Variants in RABGAP1L observed in about 807,000 individuals in gnomAD.
RABGAP1L encodes rab GTPase-activating protein 1-like.
RABGAP1L carries 63 observed loss-of-function variants against 137.7 expected under a neutral mutation model. The ratio of observed to expected loss-of-function variants is 0.46; its 90% CI spans 0.37 to 0.56. The LOEUF (loss-of-function observed/expected upper bound fraction) is 0.56. Ranked by LOEUF, RABGAP1L falls within the 20% of genes least tolerant of loss-of-function variation. The pLI is 0.00. For missense variants in RABGAP1L, 1,095 were observed against 1,244.0 expected (o/e 0.88, Z 1.80); for synonymous variants, 431 against 433.7 (o/e 0.99, Z 0.08).
rs144373537 is a variant in RABGAP1L at position 174,297,679 on chromosome 1, T to C, written c.1324-7307T>C. ...GGCAGAGCTCCCTCAGAGACCTATC[T>C]AAGGGTTTCCAGCAGAAGGGGCCAT... On this transcript the variant is annotated intron_variant, in intron 10 of 25. Transcript: ENST00000681986. 1.1e-4 allele frequency among the ~76,000 whole-genome samples: 16 copies of C among 152,240 alleles called. No individual in the cohort carries two copies. The East Asian group carries it at 1.4e-3, about 13-fold the overall frequency.
At chr1:174,939,627 A>C (rs189255568) in intron 19 of RABGAP1L, among the ~76,000 whole-genome samples, 105 of 152,310 alleles carry the variant, frequency 6.9e-4, no homozygotes, top group African/African-American at 2.4e-3. Flanking sequence ...GGTCTTCTCA[A>C]ATAGTCTTAT....
At chr1:174,280,120 A>T (rs1216773843) in intron 10 of RABGAP1L, among the ~76,000 whole-genome samples, 1 of 150,762 alleles carries the variant, frequency 6.6e-6, no homozygotes, top group Non-Finnish European at 1.5e-5. Flanking sequence ...AAATTCATGT[A>T]AGTAATTATT....
intron 19 of RABGAP1L, among the ~76,000 whole-genome samples, chr1:174,860,080 C>T (rs1024079466): frequency 4.6e-5 from 7 of 151,128 alleles, no homozygotes; most frequent in African/African-American, 1.7e-4. Flanking sequence ...ACACAAGTCA[C>T]CTCCTTCATG....
chr1:174,771,142 T>C (rs996454037), intron 18 of RABGAP1L, among the ~76,000 whole-genome samples: 3 of 152,232 alleles, frequency 2.0e-5, no homozygotes, highest in African/African-American at 7.2e-5. Context: ...GCAAGTCCTT[T>C]GCCATGGCAC....
intron 10 of RABGAP1L, among the ~76,000 whole-genome samples, chr1:174,282,210 C>T (rs1339257299): frequency 6.6e-6 from 1 of 152,188 alleles, no homozygotes; most frequent in Non-Finnish European, 1.5e-5. Context: ...GTAGAAACTG[C>T]CAAACTGTTT....
intron 15 of RABGAP1L, among the ~76,000 whole-genome samples, chr1:174,695,847 A>G (rs907316413): frequency 6.6e-6 from 1 of 152,234 alleles, no homozygotes; most frequent in African/African-American, 2.4e-5. Context: ...ATAATGCTGC[A>G]ATTTTTGCAG....
intron 18 of RABGAP1L, among the ~76,000 whole-genome samples, chr1:174,773,429 G>C (rs898181362): frequency 4.7e-4 from 71 of 152,198 alleles, no homozygotes; most frequent in African/African-American, 1.7e-3. Context: ...GCCTTTTTAC[G>C]TTATACAGCA....
intron 11 of RABGAP1L, among the ~76,000 whole-genome samples, chr1:174,305,597 G>A (rs1004969146): frequency 1.2e-4 from 18 of 152,038 alleles, no homozygotes; most frequent in African/African-American, 4.3e-4. Context: ...TGTTGGCCAG[G>A]CTTGTCTCAA....
intron 11 of RABGAP1L, among the ~76,000 whole-genome samples, chr1:174,368,191 A>G (rs948343890): frequency 1.3e-5 from 2 of 152,170 alleles, no homozygotes; most frequent in Non-Finnish European, 2.9e-5. Flanking sequence ...CCATTCCTTT[A>G]AATTACTTGA....
rs60060785 is a variant in RABGAP1L at position 174,512,468 on chromosome 1, T to C, written c.1710+118323T>C. Among the ~76,000 whole-genome samples the C allele has an allele frequency of 1.3e-3, 200 of 152,342 alleles. 1 individual carries two copies. The highest frequency in any genetic ancestry group is 4.5e-3 in the African/African-American group (186 of 41,586). On this transcript the variant is annotated intron_variant, in intron 13 of 25. Transcript: ENST00000681986. ...CTTCAAAATAGGAACGTAAGGAAGA[T>C]AAACATATACATAAGAAGTGAGTGT...
rs1435914790 is a variant in RABGAP1L, at chr1:174,827,833, T to C, written c.2340+15873T>C. On this transcript the variant is annotated intron_variant, in intron 19 of 25. Transcript: ENST00000681986. ...TGCATTAACTTTCTTATAATCCTGC[T>C]TTTATATTGTATCCTATGTTATGCA... Among the ~76,000 whole-genome samples, 6 of 148,126 alleles carry C rather than the reference T, an allele frequency of 4.1e-5. 1 individual carries two copies. In the Admixed American group the frequency reaches 4.1e-4, roughly 10 times the overall value.
At chr1:174,728,715 C>T (rs891601584) in intron 17 of RABGAP1L, among the ~76,000 whole-genome samples, 4 of 151,004 alleles carry the variant, frequency 2.6e-5, no homozygotes, top group Admixed American at 6.6e-5. Context: ...GATCTCGGCT[C>T]ACTGCAACCT....
intron 1 of RABGAP1L, among the ~76,000 whole-genome samples, chr1:174,192,945 A>G (rs1667315314): frequency 1.3e-5 from 2 of 152,170 alleles, no homozygotes; most frequent in South Asian, 4.1e-4. Flanking sequence ...TCAGATCTGG[A>G]CTGAATTATG....
At chr1:174,716,728 A>G (rs1681048802) in intron 17 of RABGAP1L, among the ~76,000 whole-genome samples, 3 of 152,192 alleles carry the variant, frequency 2.0e-5, no homozygotes, top group African/African-American at 2.4e-5. Context: ...TCCTCATCCT[A>G]GTAGTATAGC....
chr1:174,676,603 C>T (rs1316608496), intron 14 of RABGAP1L, among the ~76,000 whole-genome samples: 2 of 152,140 alleles, frequency 1.3e-5, no homozygotes, highest in Non-Finnish European at 1.5e-5. Context: ...TTGAGAAGCA[C>T]GTACTTTGTG....
At chr1:174,201,322 GA>G (rs1558027007) in intron 1 of RABGAP1L, among the ~76,000 whole-genome samples, 1 of 147,956 alleles carries the variant, frequency 6.8e-6, no homozygotes, top group East Asian at 2.0e-4. Flanking sequence ...TCAGCCTCCC[GA>G]GTAGCTGGGA....
At chr1:174,837,377 T>C (rs1692878564) in intron 19 of RABGAP1L, among the ~76,000 whole-genome samples, 3 of 152,230 alleles carry the variant, frequency 2.0e-5, no homozygotes, top group African/African-American at 7.2e-5. Flanking sequence ...TGTAAGGATC[T>C]TAAGTTGTTA....
In RABGAP1L at chr1:174,415,144, G is replaced by A. The variant is rs540596432; in HGVS notation, c.1710+20999G>A. Among the ~76,000 whole-genome samples, 31 of 152,056 alleles carry A rather than the reference G, an allele frequency of 2.0e-4. No individual in the cohort carries two copies. In the South Asian group the frequency reaches 2.1e-3, roughly 10 times the overall value. On this transcript the variant is annotated intron_variant, in intron 13 of 25. Transcript: ENST00000681986. ...ATATATTGTTCTTTTAACATTATTCGTTAGATTGTTTCAAAGTATTTCAAT... is the reference window on the plus strand; with the variant it reads ...ATATATTGTTCTTTTAACATTATTCATTAGATTGTTTCAAAGTATTTCAAT...
intron 20 of RABGAP1L, among the ~76,000 whole-genome samples, chr1:174,961,953 C>T (rs998594445): frequency 1.3e-5 from 2 of 151,142 alleles, no homozygotes; most frequent in African/African-American, 2.4e-5. Flanking sequence ...TCAGGAGAAT[C>T]GAGACCATCC....
Sources: gnomAD v4.1 joint callset for allele counts (sites outside exome capture counted in the v4.1 genomes callset) on GRCh38, gnomAD v4.1.1 for gene constraint, MANE v1.5 for transcripts, NCBI Gene and HGNC (gene_info 2026-07-23, HGNC 2026-07-21) for gene names.